PARM1: variants seen among roughly 807,000 people sequenced by gnomAD.
PARM1 encodes the protein prostate androgen-regulated mucin-like protein 1.
Under a neutral mutation model 24.6 loss-of-function variants are expected in PARM1, and 14 were observed. The observed-to-expected ratio is 0.57, with a 90% CI of 0.38 to 0.89. The LOEUF is 0.89. PARM1 is among the 40% of genes least tolerant of loss of function. The pLI is 0.00. For synonymous variants in PARM1, 179 were observed against 156.6 expected, an observed-to-expected ratio of 1.14 and a Z score of -1.07; for missense variants, 362 against 380.4, an observed-to-expected ratio of 0.95 and a Z score of 0.40.
intron 1 of PARM1, chr4:74,994,003 A>G (rs1722526319): frequency 6.6e-6 from 1 of 152,202 alleles, no homozygotes. Flanking sequence ...TAATTATTAC[A>G]AAAGACTTCA....
intron 1 of PARM1, among the ~76,000 whole-genome samples, chr4:74,997,333 C>A (rs1434575638): frequency 1.3e-5 from 2 of 152,168 alleles, no homozygotes; most frequent in African/African-American, 4.8e-5. Flanking sequence ...AGAAAAAGTT[C>A]TCTCTCTCTG....
Position 75,048,007 on chromosome 4 carries a change from C to T in PARM1, c.*1760C>T, listed in dbSNP as rs927488196. The T allele has an allele frequency of 5.3e-5, 8 of 152,074 alleles. No individual in the cohort carries two copies. Among genetic ancestry groups the T allele is most frequent in the African/African-American group, 1.9e-4 (8 of 41,394 alleles). The allele number at this position is 152,074 out of a possible 1,614,324, so 9.4% of individuals were successfully genotyped here. ...CCGACTTCAAAATGTGTTGTATTGTCCTACAGTGTCATAAAGAACCTGAAA... is the reference window on the plus strand; with the variant it reads ...CCGACTTCAAAATGTGTTGTATTGTTCTACAGTGTCATAAAGAACCTGAAA... On this transcript the variant is annotated 3_prime_UTR_variant, in exon 4 of 4. Transcript: ENST00000307428.
chr4:74,989,897 C>T (rs569522573), intron 1 of PARM1, among the ~76,000 whole-genome samples: 3 of 152,242 alleles, frequency 2.0e-5, no homozygotes, highest in Non-Finnish European at 1.5e-5. Context: ...CAGAGGAATT[C>T]ACCTAGCAAT....
In PARM1 at chr4:74,990,075, G is replaced by A. The variant is rs145572090; in HGVS notation, c.44-22350G>A. ...CTTATGGAACTAGAGGACATATCAA[G>A]TAATAGTAAGAGACTAAGGCATCAT... is the stretch of plus-strand genomic sequence containing the variant. On this transcript the variant is annotated intron_variant, in intron 1 of 3. Transcript: ENST00000307428. 4.5e-3 allele frequency among the ~76,000 whole-genome samples: 683 copies of A among 152,264 alleles called. 6 individuals carry two copies. Among genetic ancestry groups the A allele is most frequent in the African/African-American group, 0.016 (657 of 41,550 alleles).
At chr4:74,937,849 G>A (rs1447263235) in intron 1 of PARM1, among the ~76,000 whole-genome samples, 4 of 152,190 alleles carry the variant, frequency 2.6e-5, no homozygotes, top group Non-Finnish European at 5.9e-5. Context: ...AATATTCTGA[G>A]CCTACTAAAT....
Position 75,048,864 on chromosome 4 carries a change from C to T in PARM1, c.*2617C>T, listed in dbSNP as rs576973929. The stretch of plus-strand genomic sequence containing the variant: ...AGAATAAAATATTTAAGGGTTGAAC[C>T]TTATTTTGCCAAATGTATCTTTTCT... On this transcript the variant is annotated 3_prime_UTR_variant, in exon 4 of 4. Coordinates refer to ENST00000307428, the MANE Select transcript of PARM1 (RefSeq NM_015393.4). 5 of 152,688 alleles carry T rather than the reference C, an allele frequency of 3.3e-5. No individual in the cohort carries two copies. The highest frequency in any genetic ancestry group is 6.8e-3 in the Middle Eastern group (2 of 294). The allele number at this position is 152,688 out of a possible 1,614,324, so 9.5% of individuals were successfully genotyped here.
At chr4:75,005,544 T>C (rs1260396009) in intron 1 of PARM1, among the ~76,000 whole-genome samples, 1 of 152,156 alleles carries the variant, frequency 6.6e-6, no homozygotes, top group African/African-American at 2.4e-5. Flanking sequence ...ACAATGCCTC[T>C]ACCTCCTCTC....
chr4:75,025,239 C>T (rs1242912126), intron 2 of PARM1, among the ~76,000 whole-genome samples: 2 of 152,162 alleles, frequency 1.3e-5, no homozygotes, highest in Non-Finnish European at 1.5e-5. Context: ...TGGTGTTCCT[C>T]ATTTCTGGCA....
intron 2 of PARM1, among the ~76,000 whole-genome samples, chr4:75,019,603 G>A (rs1723050185): frequency 6.6e-6 from 1 of 152,188 alleles, no homozygotes; most frequent in South Asian, 2.1e-4. Context: ...ACATCTCTAT[G>A]TCCATACCTG....
chr4:74,939,048 A>T (rs59349789), intron 1 of PARM1, among the ~76,000 whole-genome samples: 45,543 of 152,036 alleles, frequency 0.3, 6,959 homozygotes, highest in Middle Eastern at 0.41. Context: ...AATATTTGGG[A>T]CTTACTTAGA....
At position 75,012,530 on chromosome 4, in the gene PARM1, A is replaced by G. The variant is rs774680116; in HGVS notation, c.149A>G (p.Asp50Gly). Residue 50 changes from aspartate (D) to glycine (G), a missense_variant, in exon 2 of 4, where the codon GAT becomes GGT. Coordinates refer to ENST00000307428, the MANE Select transcript of PARM1 (RefSeq NM_015393.4). ...TGGACTAGCTCTCCACAAAACACTG[A>G]TGCAGACACTGCCTCCCCATCCAAC... ...TIWTSSPQNT[D>G]ADTASPSNGT... The G allele has an allele frequency of 1.2e-6, 2 of 1,613,940 alleles. No individual in the cohort carries two copies. The highest frequency in any genetic ancestry group is 8.5e-7 in the Non-Finnish European group (1 of 1,179,880).
intron 1 of PARM1, among the ~76,000 whole-genome samples, chr4:74,954,872 T>C (rs1333928339): frequency 6.6e-6 from 1 of 152,190 alleles, no homozygotes; most frequent in Non-Finnish European, 1.5e-5. Context: ...ATTTTTCTTT[T>C]TGATGAGGAA....
At chr4:75,019,892 A>C (rs1230999242) in intron 2 of PARM1, among the ~76,000 whole-genome samples, 2 of 149,958 alleles carry the variant, frequency 1.3e-5, no homozygotes, top group Non-Finnish European at 3.0e-5. Context: ...AGTCCCAGCT[A>C]CTCGGGAGGC....
intron 1 of PARM1, among the ~76,000 whole-genome samples, chr4:74,937,639 T>C (rs1177720909): frequency 6.6e-6 from 1 of 152,222 alleles, no homozygotes; most frequent in Non-Finnish European, 1.5e-5. Context: ...GCTGGAGACA[T>C]AGCAAATGCT....
At chr4:75,024,306 A>C (rs1328724304) in intron 2 of PARM1, among the ~76,000 whole-genome samples, 1 of 151,896 alleles carries the variant, frequency 6.6e-6, no homozygotes, top group Non-Finnish European at 1.5e-5. Flanking sequence ...GATTAATGAC[A>C]TGGAGTAAGG....
rs529286363 is a variant in PARM1, at chr4:75,047,386, C to T, written c.*1139C>T. On this transcript the variant is annotated 3_prime_UTR_variant, in exon 4 of 4. Transcript: ENST00000307428. ...CCATTTATTCTTCCCACACACTTAC[C>T]TTACTAAGTCTTTGCTTTAATAAAT... 3.3e-5 allele frequency: 5 copies of T among 152,350 alleles called. No homozygotes were observed. The highest frequency in any genetic ancestry group is 2.6e-4 in the Admixed American group (4 of 15,302). The allele number at this position is 152,350 out of a possible 1,614,324, so 9.4% of individuals were successfully genotyped here. A position where few individuals can be genotyped will look rare whatever the true frequency, so the allele number is the denominator to read the frequency against.
chr4:75,024,924 A>G (rs1263475675), intron 2 of PARM1, among the ~76,000 whole-genome samples: 1 of 152,182 alleles, frequency 6.6e-6, no homozygotes, highest in Non-Finnish European at 1.5e-5. Context: ...CAAACTCCTG[A>G]CCTCAGGTGA....
At chr4:75,002,815 C>A (rs1053329246) in intron 1 of PARM1, among the ~76,000 whole-genome samples, 3 of 152,220 alleles carry the variant, frequency 2.0e-5, no homozygotes, top group African/African-American at 7.2e-5. Flanking sequence ...CTTTGGCCTA[C>A]ACTGCCCCAG....
At position 75,046,327 on chromosome 4, in the gene PARM1, T is replaced by G; in HGVS notation, c.*80T>G. Reference sequence around the variant, plus strand: ...TCCAGTAGAATTAATAAGTACCTGATGCGCATTGAACGACAATCTTAAGCC... The same window carrying G: ...TCCAGTAGAATTAATAAGTACCTGAGGCGCATTGAACGACAATCTTAAGCC... On this transcript the variant is annotated 3_prime_UTR_variant, in exon 4 of 4. Coordinates refer to ENST00000307428, the MANE Select transcript of PARM1 (RefSeq NM_015393.4). 1 of 930,176 alleles carries G rather than the reference T, an allele frequency of 1.1e-6. No homozygotes were observed. Among genetic ancestry groups the G allele is most frequent in the African/African-American group, 1.6e-5 (1 of 61,324 alleles). The allele number at this position is 930,176 out of a possible 1,614,324, so 57.6% of individuals were successfully genotyped here. A position where few individuals can be genotyped will look rare whatever the true frequency, so the allele number is the denominator to read the frequency against.
Sources: gnomAD v4.1 joint callset for allele counts (sites outside exome capture counted in the v4.1 genomes callset) on GRCh38, gnomAD v4.1.1 for gene constraint, MANE v1.5 for transcripts, NCBI Gene and HGNC (gene_info 2026-07-23, HGNC 2026-07-21) for gene names.